Variants in CCDC80 observed in about 807,000 individuals in gnomAD.
The protein encoded by CCDC80 is coiled-coil domain containing 80.
In CCDC80, 49 loss-of-function variants were observed where a neutral mutation model predicts 78.7. The observed-to-expected ratio is 0.62, with a 90% confidence interval of 0.50 to 0.79. The LOEUF (loss-of-function observed/expected upper bound fraction) is 0.79. CCDC80 is among the 30% of genes least tolerant of loss of function. The probability of loss-of-function intolerance (pLI) is 0.00; values close to 1 mark genes in which losing one functional copy is unlikely to be tolerated. For missense variants in CCDC80, 1,205 were observed against 1,198.6 expected (o/e 1.01, Z -0.08); for synonymous variants, 488 against 447.0 (o/e 1.09, Z -1.16).
At position 112,638,324 on chromosome 3, in the gene CCDC80, T is replaced by G; in HGVS notation, c.1582A>C (p.Asn528His). 6.2e-7 allele frequency: 1 copy of G among 1,614,150 alleles called. No homozygotes were observed. The highest frequency in any genetic ancestry group is 8.5e-7 in the Non-Finnish European group (1 of 1,180,022). The change falls in exon 2 of 8, where the codon AAT (asparagine) becomes CAT (histidine). Residue 528 changes from asparagine to histidine, a missense_variant. Transcript: ENST00000206423. Reference sequence around the variant, plus strand: ...TCCTTTGCTTTTTTAAGGGGAACATTCCCCACCTGCAGCTCGTCCTCCAGC... The same window carrying G: ...TCCTTTGCTTTTTTAAGGGGAACATGCCCCACCTGCAGCTCGTCCTCCAGC... ...SQLEDELQVG[N>H]VPLKKAKESK...
rs770558801 is a variant in CCDC80, at chr3:112,639,805, C to T, written c.101G>A (p.Gly34Glu). 6.2e-7 allele frequency: 1 copy of T among 1,614,216 alleles called. No individual in the cohort carries two copies. The highest frequency in any genetic ancestry group is 8.5e-7 in the Non-Finnish European group (1 of 1,180,046). ...HPHATIRGSH[G>E]GRKVPLVSPD... ...AGAAACCAAAGGCACTTTCCGTCCT[C>T]CGTGGCTGCCTCTAATAGTGGCATG... Residue 34 changes from glycine to glutamate, a missense_variant, in exon 2 of 8, where the codon GGA becomes GAA. Transcript: ENST00000206423.
intron 5 of CCDC80, among the ~76,000 whole-genome samples, chr3:112,614,540 G>A (rs566511239): frequency 1.6e-3 from 237 of 151,702 alleles, no homozygotes; most frequent in African/African-American, 5.2e-3. Flanking sequence ...CCATTGTCCC[G>A]TGAAGCTCAG....
Position 112,638,703 on chromosome 3 carries a change from C to T in CCDC80, c.1203G>A (p.Glu401=). Residue 401 remains glutamate, a synonymous_variant, in exon 2 of 8, where the codon GAG becomes GAA. Transcript: ENST00000206423. ...SPSHRPPTTT[E]VITARRPSVS... is the part of the protein sequence containing the mutation. ...CTGAGGGTCTCCTGGCAGTGATCAC[C>T]TCAGTGGTTGTAGGGGGCCTGTGGG... 6.2e-7 allele frequency: 1 copy of T among 1,613,948 alleles called. No individual in the cohort carries two copies. The highest frequency in any genetic ancestry group is 8.5e-7 in the Non-Finnish European group (1 of 1,179,976).
intron 7 of CCDC80, among the ~76,000 whole-genome samples, 193 bp from the exon 8 acceptor site, chr3:112,605,956 G>A (rs999981730): frequency 2.0e-5 from 3 of 152,212 alleles, no homozygotes; most frequent in Non-Finnish European, 4.4e-5. Context: ...TCTGCAACAC[G>A]ATTAGGGTCA....
intron 2 of CCDC80, among the ~76,000 whole-genome samples, chr3:112,631,763 C>T (rs143878059): frequency 6.6e-6 from 1 of 152,164 alleles, no homozygotes; most frequent in African/African-American, 2.4e-5. Flanking sequence ...TTGCTACCTG[C>T]AGGCTTTCCC....
chr3:112,631,137 T>A (rs1238630200), intron 2 of CCDC80, among the ~76,000 whole-genome samples: 1 of 152,212 alleles, frequency 6.6e-6, no homozygotes, highest in East Asian at 1.9e-4. Context: ...TCCTCTTGAA[T>A]CTTTTCTCTG....
chr3:112,616,499 T>C (rs111931253), intron 5 of CCDC80, among the ~76,000 whole-genome samples: 1 of 147,644 alleles, frequency 6.8e-6, no homozygotes, highest in African/African-American at 2.5e-5. Context: ...CAAATCAACA[T>C]TGATGCTTGG....
intron 2 of CCDC80, among the ~76,000 whole-genome samples, chr3:112,635,427 C>T (rs1238328276): frequency 6.6e-6 from 1 of 152,174 alleles, no homozygotes; most frequent in Non-Finnish European, 1.5e-5. Flanking sequence ...GTAATTGAAT[C>T]ACTGAGCTTC....
At chr3:112,633,115 C>A (rs1013005744) in intron 2 of CCDC80, among the ~76,000 whole-genome samples, 2 of 152,136 alleles carry the variant, frequency 1.3e-5, no homozygotes, top group African/African-American at 2.4e-5. Flanking sequence ...AACCTCATCA[C>A]GTTGTGAGAT....
In CCDC80 at chr3:112,639,568, G is replaced by A. The variant is rs751896135; in HGVS notation, c.338C>T (p.Ser113Phe). 6.2e-7 allele frequency: 1 copy of A among 1,614,042 alleles called. No homozygotes were observed. The highest frequency in any genetic ancestry group is 8.5e-7 in the Non-Finnish European group (1 of 1,180,038). The change falls in exon 2 of 8, where the codon TCT becomes TTT. Residue 113 changes from serine (S) to phenylalanine (F), a missense_variant. Transcript: ENST00000206423. ...CTCATCTCTGATCATCTCACGCGGA[G>A]AGCCCCTGGCTGCTGGTCTTTGCTC... ...RPEQRPAARG[S>F]PREMIRDEGS...
rs148050019 is a variant in CCDC80 at position 112,635,662 on chromosome 3, G to A, written c.1878+2366C>T. Among the ~76,000 whole-genome samples the A allele has an allele frequency of 1.0e-3, 157 of 152,280 alleles. 2 individuals are homozygous for A. Among genetic ancestry groups the A allele is most frequent in the Admixed American group, 7.2e-3 (110 of 15,298 alleles). On this transcript the variant is annotated intron_variant, in intron 2 of 7. Transcript: ENST00000206423. The stretch of plus-strand genomic sequence containing the variant: ...TTTCTGATATGATCATCAGTTGGGC[G>A]CACATAGGATCAAAAGTCTGAAAAG...
At chr3:112,637,584 G>A (rs1184216809) in intron 2 of CCDC80, among the ~76,000 whole-genome samples, 1 of 152,190 alleles carries the variant, frequency 6.6e-6, no homozygotes, top group African/African-American at 2.4e-5. Flanking sequence ...GTCAGACAGA[G>A]AGAAACCCTT....
chr3:112,634,066 T>C (rs960352878), intron 2 of CCDC80, among the ~76,000 whole-genome samples: 1 of 152,066 alleles, frequency 6.6e-6, no homozygotes, highest in Non-Finnish European at 1.5e-5. Context: ...CAAAGAGCAA[T>C]GGAAAAAAGC....
chr3:112,605,537 C>T lies in CCDC80; in HGVS notation c.2733G>A (p.Met911Ile), dbSNP rs1373744483. Residue 911 changes from methionine (M) to isoleucine (I), a missense_variant, in exon 8 of 8, where the codon ATG becomes ATA. Transcript: ENST00000206423. ...CTGCATACTCATCTTCTGGGCAGCG[C>T]ATCCCCAGTGACTGCTGAATCGCCA... ...QEMAIQQSLG[M>I]RCPEDEYAGY... is the part of the protein sequence containing the mutation. The T allele has an allele frequency of 1.2e-6, 2 of 1,614,050 alleles. No individual in the cohort carries two copies. Among genetic ancestry groups the T allele is most frequent in the Non-Finnish European group, 1.7e-6 (2 of 1,180,030 alleles).
intron 5 of CCDC80, 129 bp from the exon 6 acceptor site, chr3:112,610,210 G>C (rs756431889): frequency 5.3e-6 from 4 of 754,240 alleles, no homozygotes; most frequent in South Asian, 1.5e-5. Flanking sequence ...AAAAAACAGA[G>C]AACTGTCCCA....
In CCDC80 at chr3:112,638,588, C is replaced by A; in HGVS notation, c.1318G>T (p.Glu440Ter). ...TRRPSKATSL[E>*]SFTNAPPTTI... ...GTGGGAGGGGCATTTGTGAAGCTCT[C>A]CAAGCTGGTGGCCTTGCTGGGCCTC... The change falls in exon 2 of 8, where the codon GAG (glutamate) becomes TAG (stop). Residue 440 changes from glutamate (E) to a stop codon, truncating the protein, a stop_gained. Transcript: ENST00000206423. LOFTEE classifies it high-confidence loss of function. 1 of 1,613,994 alleles carries A rather than the reference C, an allele frequency of 6.2e-7. No individual in the cohort carries two copies. The highest frequency in any genetic ancestry group is 8.5e-7 in the Non-Finnish European group (1 of 1,179,992).
Position 112,605,475 on chromosome 3 carries a change from T to G in CCDC80, c.2795A>C (p.Asp932Ala), listed in dbSNP as rs1290935045. 2.5e-6 allele frequency: 4 copies of G among 1,614,058 alleles called. No homozygotes were observed. The African/African-American group carries it at 5.3e-5, about 22-fold the overall frequency. Residue 932 changes from aspartate (D) to alanine (A), a missense_variant, in exon 8 of 8, where the codon GAT becomes GCT. Physicochemically the swap from Asp to Ala is moderately radical, Grantham distance 126 (BLOSUM62 -2). Coordinates refer to ENST00000206423, the MANE Select transcript of CCDC80 (RefSeq NM_199511.3). Reference protein sequence around the residue: ...GYHSYHQGYQDGYQDDYRHHE... With the variant: ...GYHSYHQGYQAGYQDDYRHHE... ...ATGACGGTAGTCATCCTGGTAACCA[T>G]CCTGGTATCCTTGGTGGTAACTATG...
intron 2 of CCDC80, among the ~76,000 whole-genome samples, chr3:112,630,777 A>G (rs1360979074): frequency 1.3e-5 from 2 of 152,194 alleles, no homozygotes; most frequent in Non-Finnish European, 2.9e-5. Flanking sequence ...TAGAACTCTT[A>G]TTAGAAAACC....
Position 112,610,076 on chromosome 3 carries a change from C to T in CCDC80, c.2327G>A (p.Arg776Gln), listed in dbSNP as rs200219122. ...QSLENFLSRF[R>Q]WRRRLLVISA... ...GATCACCAGCAACCTCCTCCTCCAC[C>T]GGAACCTGGAAAAAAAAAGCAGGAC... The change falls in exon 6 of 8, where the codon CGG becomes CAG. Residue 776 changes from arginine to glutamine, a missense_variant. By Grantham distance (43) the Arg-to-Gln change is conservative. Transcript: ENST00000206423. 4.9e-5 allele frequency: 79 copies of T among 1,612,684 alleles called. No homozygotes were observed. The African/African-American group carries it at 5.5e-4, about 11-fold the overall frequency.
Sources: gnomAD v4.1 joint callset for allele counts (sites outside exome capture counted in the v4.1 genomes callset) on GRCh38, gnomAD v4.1.1 for gene constraint, MANE v1.5 for transcripts, NCBI Gene and HGNC (gene_info 2026-07-23, HGNC 2026-07-21) for gene names.